DYNC2I1: variants seen among roughly 807,000 people sequenced by gnomAD.
DYNC2I1 encodes the protein cytoplasmic dynein 2 intermediate chain 1.
In DYNC2I1, 89 loss-of-function variants were observed where a neutral mutation model predicts 133.4. The ratio of observed to expected loss-of-function variants is 0.67; its 90% CI spans 0.56 to 0.80. DYNC2I1 has a LOEUF of 0.80. Among genes scored for constraint, DYNC2I1 ranks in the 30% least tolerant of loss-of-function variants. DYNC2I1 has a pLI of 0.00. For missense variants in DYNC2I1, 1,291 were observed against 1,314.5 expected (o/e 0.98, Z 0.28); for synonymous variants, 504 against 484.3 (o/e 1.04, Z -0.54).
rs2129487924 is a variant in DYNC2I1 at position 158,934,540 on chromosome 7, A to G, written c.2769A>G (p.Pro923=). The G allele has an allele frequency of 2.6e-6, 4 of 1,552,288 alleles. No individual in the cohort carries two copies. In the African/African-American group the frequency reaches 4.1e-5, roughly 16 times the overall value. ...NVIDFSPFGE[P]IFLAGCSDGS... ...TTGATTTTTCACCATTTGGAGAACCAATATTTTTGGTAAGAAAGTTTGTTT... is the reference window on the plus strand; with the variant it reads ...TTGATTTTTCACCATTTGGAGAACCGATATTTTTGGTAAGAAAGTTTGTTT... The change falls in exon 23 of 25, where the codon CCA becomes CCG. Residue 923 remains proline, a synonymous_variant. Transcript: ENST00000407559.
At chr7:158,868,748 A>C (rs1842631559) in intron 1 of DYNC2I1, among the ~76,000 whole-genome samples, 1 of 152,220 alleles carries the variant, frequency 6.6e-6, no homozygotes, top group Non-Finnish European at 1.5e-5. Context: ...TTCAGTCCAC[A>C]GGTGTCGTTT....
intron 19 of DYNC2I1, among the ~76,000 whole-genome samples, 180 bp from the exon 20 acceptor site, chr7:158,926,812 C>T (rs530956867): frequency 6.6e-6 from 1 of 152,312 alleles, no homozygotes; most frequent in South Asian, 2.1e-4. Context: ...ACGAGGAGAT[C>T]AAAGCAAAGG....
chr7:158,945,704 G>A lies in DYNC2I1; in HGVS notation c.3126G>A (p.Pro1042=), dbSNP rs1308706810. 4 of 1,611,152 alleles carry A rather than the reference G, an allele frequency of 2.5e-6. No individual in the cohort carries two copies. The highest frequency in any genetic ancestry group is 2.2e-5 in the East Asian group (1 of 44,786). The change falls in exon 25 of 25, where the codon CCG becomes CCA. Residue 1042 remains proline (P), a synonymous_variant. Transcript: ENST00000407559. The surrounding 1 kb of genome is among the most constrained non-coding windows in gnomAD (Gnocchi z 4.1). ...ACCTGAAGAGGCGGTGGGCGGCCCC[G>A]GAGGTGGACGAGTGCAACAGGCTGC... The part of the protein sequence containing the change: ...IQHLKRRWAA[P]EVDECNRLRL...
At chr7:158,934,277 C>T in intron 22 of DYNC2I1, 49 bp downstream of exon 22, 1 of 1,556,966 alleles carries the variant, frequency 6.4e-7, no homozygotes, top group Non-Finnish European at 8.7e-7. Flanking sequence ...CCTTGTTTTC[C>T]TGACTTACCT....
At chr7:158,840,223 G>A in the DYNC2I1 span, among the ~76,000 whole-genome samples, 4 of 152,040 alleles carry the variant, frequency 2.6e-5, no homozygotes, top group Admixed American at 6.6e-5. Context: ...AGACCAGCCC[G>A]GGCAACAAAG....
At chr7:158,922,666 C>A in intron 16 of DYNC2I1, 117 bp downstream of exon 16, 1 of 982,348 alleles carries the variant, frequency 1.0e-6, no homozygotes, top group Non-Finnish European at 1.5e-6. Flanking sequence ...TGGGTAGGGA[C>A]TTATGGGCCA....
At chr7:158,880,311 T>C (rs1008585325) in intron 5 of DYNC2I1, among the ~76,000 whole-genome samples, 4 of 152,068 alleles carry the variant, frequency 2.6e-5, no homozygotes, top group African/African-American at 7.2e-5. Flanking sequence ...CCGAGGTGGG[T>C]GGATCACCTG....
the DYNC2I1 span, among the ~76,000 whole-genome samples, chr7:158,847,677 A>G: frequency 6.6e-6 from 1 of 152,220 alleles, no homozygotes; most frequent in Non-Finnish European, 1.5e-5. Context: ...TAATAGCTAA[A>G]ATGAAAGTAA....
At chr7:158,875,782 C>T (rs1843299898) in intron 3 of DYNC2I1, among the ~76,000 whole-genome samples, 1 of 152,176 alleles carries the variant, frequency 6.6e-6, no homozygotes, top group Middle Eastern at 3.2e-3. Flanking sequence ...GTCCTCAGTG[C>T]ATCCAGGAGG....
chr7:158,955,036 G>T (rs192574692), intron 4 of DYNC2I1, among the ~76,000 whole-genome samples: 30 of 152,256 alleles, frequency 2.0e-4, no homozygotes, highest in African/African-American at 6.5e-4. Context: ...GGTATTTTGG[G>T]GTGAGTCTGG....
At chr7:158,948,657 C>A (rs543519923), downstream of DYNC2I1, among the ~76,000 whole-genome samples, 18 of 152,254 alleles carry the variant, frequency 1.2e-4, no homozygotes, top group East Asian at 1.4e-3. Context: ...ACAAGCGCAA[C>A]TGGATATGCA....
At chr7:158,870,992 T>TCTGGGATTGGAAA (rs1563084611) in intron 2 of DYNC2I1, 150 bp from the exon 3 acceptor site, 1 of 895,418 alleles carries the variant, frequency 1.1e-6, no homozygotes, top group African/African-American at 1.7e-5. Flanking sequence ...CTTTGGCCCG[T>TCTGGGATTGGAAA]CTGGGATTGG....
At chr7:158,940,211 G>A (rs1470029062) in intron 23 of DYNC2I1, among the ~76,000 whole-genome samples, 1 of 152,108 alleles carries the variant, frequency 6.6e-6, no homozygotes, top group African/African-American at 2.4e-5. Context: ...GGGGATTTGG[G>A]GGACAGTTTC....
At chr7:158,899,741 TC>T (rs1397250561) in intron 8 of DYNC2I1, among the ~76,000 whole-genome samples, 1 of 152,176 alleles carries the variant, frequency 6.6e-6, no homozygotes, top group Admixed American at 6.5e-5. Flanking sequence ...CATTTTCTCT[TC>T]CTGCCACCAC....
intron 21 of DYNC2I1, among the ~76,000 whole-genome samples, chr7:158,931,034 T>C (rs1266632828): frequency 6.6e-6 from 1 of 152,120 alleles, no homozygotes; most frequent in African/African-American, 2.4e-5. Flanking sequence ...TAACATTTTG[T>C]CATTAAGTAG....
intron 23 of DYNC2I1, among the ~76,000 whole-genome samples, chr7:158,936,288 C>A (rs778130483): frequency 2.7e-5 from 4 of 149,078 alleles, no homozygotes; most frequent in South Asian, 2.1e-4. Context: ...CCACAAAAAA[C>A]CAAAACCAAA....
intron 8 of DYNC2I1, among the ~76,000 whole-genome samples, chr7:158,891,763 C>T (rs1272094436): frequency 6.6e-6 from 1 of 152,180 alleles, no homozygotes; most frequent in Non-Finnish European, 1.5e-5. Context: ...CGATCCAGGC[C>T]ATGGTTGCTG....
chr7:158,894,132 A>ATACTGCATATCCTACCGCATATCC (rs1845535525), intron 8 of DYNC2I1, among the ~76,000 whole-genome samples: 5 of 150,954 alleles, frequency 3.3e-5, no homozygotes, highest in Middle Eastern at 3.2e-3. Context: ...ACCGCATATC[A>ATACTGCATATCCTACCGCATATCC]TACCGCATAT....
intron 15 of DYNC2I1, among the ~76,000 whole-genome samples, chr7:158,922,061 A>G (rs1024540122): frequency 2.0e-5 from 3 of 152,032 alleles, no homozygotes; most frequent in Non-Finnish European, 4.4e-5. Context: ...GCACTGCATT[A>G]CCTCCCAGCT....
Sources: allele counts gnomAD v4.1 joint callset (sites outside exome capture counted in the v4.1 genomes callset), GRCh38; gene constraint gnomAD v4.1.1; non-coding constraint Gnocchi (gnomAD v3.1); transcripts MANE v1.5; gene names NCBI Gene and HGNC (gene_info 2026-07-23, HGNC 2026-07-21).